Variants in GPM6A observed in about 807,000 individuals in gnomAD.
GPM6A encodes the protein neuronal membrane glycoprotein M6-a.
In GPM6A, 7 loss-of-function variants were observed where a neutral mutation model predicts 32.1. The ratio of observed to expected loss-of-function variants is 0.22; its 90% CI spans 0.12 to 0.41. The LOEUF (loss-of-function observed/expected upper bound fraction) is 0.41, where lower values mean the gene tolerates loss of function less well. Among genes scored for constraint, GPM6A ranks in the 10% least tolerant of loss-of-function variants. The probability of loss-of-function intolerance (pLI) is 1.00; values close to 1 mark genes in which losing one functional copy is unlikely to be tolerated. For synonymous variants in GPM6A, 130 were observed against 123.4 expected (o/e 1.05, Z -0.35); for missense variants, 235 against 347.2 (o/e 0.68, Z 2.57).
chr4:175,732,392 G>T (rs547076733), intron 1 of GPM6A, among the ~76,000 whole-genome samples: 2 of 151,994 alleles, frequency 1.3e-5, no homozygotes, highest in African/African-American at 4.8e-5. Context: ...TTGCCTTCTA[G>T]TATGCTAGTT....
At chr4:175,840,503 C>G (rs558999600) in intron 1 of GPM6A, among the ~76,000 whole-genome samples, 1 of 152,164 alleles carries the variant, frequency 6.6e-6, no homozygotes, top group Non-Finnish European at 1.5e-5. Flanking sequence ...CATGGCGAAA[C>G]ATCTTTTCTA....
intron 1 of GPM6A, among the ~76,000 whole-genome samples, chr4:176,001,260 G>C (rs542514903): frequency 2.6e-5 from 4 of 152,326 alleles, no homozygotes; most frequent in Admixed American, 6.5e-5. Flanking sequence ...GAGAAGCAAG[G>C]GGGAGGGGCG....
intron 2 of GPM6A, among the ~76,000 whole-genome samples, chr4:175,699,502 A>G (rs973701117): frequency 1.2e-4 from 19 of 152,268 alleles, no homozygotes; most frequent in African/African-American, 4.6e-4. Context: ...TGCAACTTTC[A>G]ATTTGCTGTT....
In GPM6A at chr4:175,651,965, A is replaced by G; in HGVS notation, c.410T>C (p.Phe137Ser). The G allele has an allele frequency of 6.2e-7, 1 of 1,613,038 alleles. No individual in the cohort carries two copies. The highest frequency in any genetic ancestry group is 8.5e-7 in the Non-Finnish European group (1 of 1,179,434). ...CGTGACTCCCAGCCAGGCCAACATG[A>G]AAAGATATGTCAGCATAATGAACTG... ...SAWFIMLTYL[F>S]MLAWLGVTAF... Residue 137 changes from phenylalanine to serine, a missense_variant, in exon 4 of 7, where the codon TTC (phenylalanine) becomes TCC (serine). This residue lies in a region of GPM6A where 101 missense variants were observed against 171.2 expected (regional missense o/e 0.59). Coordinates refer to ENST00000393658, the MANE Select transcript of GPM6A (RefSeq NM_201591.3).
intron 1 of GPM6A, among the ~76,000 whole-genome samples, chr4:175,921,485 T>C (rs1008151112): frequency 6.7e-6 from 1 of 148,818 alleles, no homozygotes; most frequent in African/African-American, 2.4e-5. Context: ...CGCATGATCC[T>C]GCCAAAAAAA....
upstream of GPM6A, chr4:175,813,034 A>G (rs1426344790): frequency 1.0e-6 from 1 of 984,106 alleles, no homozygotes; most frequent in African/African-American, 1.7e-5. Flanking sequence ...TGAGAGATAC[A>G]TGTTTTAAGT....
intron 1 of GPM6A, among the ~76,000 whole-genome samples, chr4:175,983,545 G>T (rs1740878264): frequency 6.6e-6 from 1 of 151,972 alleles, no homozygotes. Context: ...TGATTATAAG[G>T]TTTTTCTTTT....
intron 2 of GPM6A, among the ~76,000 whole-genome samples, chr4:175,688,441 T>C (rs185515393): frequency 2.5e-4 from 38 of 152,288 alleles, no homozygotes; most frequent in Non-Finnish European, 1.6e-4. Flanking sequence ...CCAGCATCCT[T>C]TATTGAAGAG....
At chr4:175,743,844 C>T (rs565873288) in intron 1 of GPM6A, among the ~76,000 whole-genome samples, 2 of 151,570 alleles carry the variant, frequency 1.3e-5, no homozygotes, top group East Asian at 3.9e-4. Flanking sequence ...ATGTAGGCAC[C>T]TAATTAAACA....
intron 1 of GPM6A, among the ~76,000 whole-genome samples, chr4:175,851,890 A>G (rs116461665): frequency 0.014 from 2,073 of 151,014 alleles, 31 homozygotes; most frequent in Middle Eastern, 0.031. Flanking sequence ...TATGCAACAG[A>G]CACATGTCGG....
chr4:175,668,542 T>TGTGTGTGTGTGTGTGTGTGTGTGTGTGTG (rs1560863089), intron 3 of GPM6A, among the ~76,000 whole-genome samples: 30 of 151,584 alleles, frequency 2.0e-4, no homozygotes, highest in East Asian at 3.9e-4. Context: ...TGTGTGTGTG[T>TGTGTGTGTGTGTGTGTGTGTGTGTGTGTG]TTATTTTAAA....
chr4:175,940,231 A>G (rs1401290129), intron 1 of GPM6A, among the ~76,000 whole-genome samples: 2 of 152,146 alleles, frequency 1.3e-5, no homozygotes, highest in East Asian at 1.9e-4. Context: ...CGTAAATATG[A>G]TTCAGATATG....
At chr4:175,905,573 G>A (rs945058301) in intron 1 of GPM6A, among the ~76,000 whole-genome samples, 2 of 152,032 alleles carry the variant, frequency 1.3e-5, no homozygotes, top group South Asian at 2.1e-4. Context: ...GCACCTTCAC[G>A]AAGGGAAATT....
At position 175,743,670 on chromosome 4, in the gene GPM6A, G is replaced by GA. The variant is rs538050409; in HGVS notation, c.38-41904dup. Among the ~76,000 whole-genome samples, 3 of 151,706 alleles carry GA rather than the reference G, an allele frequency of 2.0e-5. 1 individual carries two copies. In the South Asian group the frequency reaches 6.3e-4, roughly 32 times the overall value. On this transcript the variant is annotated intron_variant, in intron 1 of 6. Coordinates refer to ENST00000393658, the MANE Select transcript of GPM6A (RefSeq NM_201591.3). Reference sequence around the variant, plus strand: ...ATTAAATATAAGGACACAAAAAGTTGAAAAAATAAAGCAGAAAAATGGCTT... The same window carrying GA: ...ATTAAATATAAGGACACAAAAAGTTGAAAAAAATAAAGCAGAAAAATGGCTT...
intron 1 of GPM6A, among the ~76,000 whole-genome samples, chr4:175,928,351 A>G (rs908160273): frequency 6.6e-6 from 1 of 152,222 alleles, no homozygotes; most frequent in African/African-American, 2.4e-5. Context: ...TATGTGGGAA[A>G]AGCTTGCTCT....
At chr4:175,743,937 T>G (rs1480171409) in intron 1 of GPM6A, among the ~76,000 whole-genome samples, 1 of 150,140 alleles carries the variant, frequency 6.7e-6, no homozygotes, top group Admixed American at 6.7e-5. Flanking sequence ...GTTTAGCAGT[T>G]GTACATCAAT....
intron 1 of GPM6A, among the ~76,000 whole-genome samples, chr4:175,792,040 G>T (rs1300183284): frequency 1.3e-5 from 2 of 152,022 alleles, no homozygotes; most frequent in African/African-American, 4.8e-5. Context: ...TGACATAAAA[G>T]AATTTATAAA....
At chr4:175,980,272 G>A (rs1410405005) in intron 1 of GPM6A, among the ~76,000 whole-genome samples, 1 of 152,156 alleles carries the variant, frequency 6.6e-6, no homozygotes, top group Non-Finnish European at 1.5e-5. Flanking sequence ...TGGGAGGATC[G>A]CTTGAGCCAC....
At chr4:175,848,752 T>C (rs1357025052) in intron 1 of GPM6A, among the ~76,000 whole-genome samples, 2 of 152,152 alleles carry the variant, frequency 1.3e-5, no homozygotes, top group Admixed American at 1.3e-4. Flanking sequence ...TTGACACATG[T>C]TTTTAGTACA....
Sources: allele counts gnomAD v4.1 joint callset (sites outside exome capture counted in the v4.1 genomes callset), GRCh38; gene constraint gnomAD v4.1.1; regional missense constraint gnomAD v4.1.1; transcripts MANE v1.5; gene names NCBI Gene and HGNC (gene_info 2026-07-23, HGNC 2026-07-21).